Variants in CLASP1 observed in about 807,000 individuals in gnomAD.
CLASP1 encodes the protein cytoplasmic linker associated protein 1, also known as CLIP-associating protein 1.
Under a neutral mutation model 192.3 loss-of-function variants are expected in CLASP1, and 38 were observed. That is an observed-to-expected ratio of 0.20 (90% CI 0.15 to 0.26). The LOEUF (loss-of-function observed/expected upper bound fraction) is 0.26, where lower values mean the gene tolerates loss of function less well. CLASP1 is among the 10% of genes least tolerant of loss of function. CLASP1 has a pLI of 1.00. For missense variants in CLASP1, 1,433 were observed against 1,932.5 expected (o/e 0.74, Z 4.85); for synonymous variants, 691 against 712.8 (o/e 0.97, Z 0.49).
intron 32 of CLASP1, among the ~76,000 whole-genome samples, chr2:121,386,170 TA>T (rs750965525): frequency 7.1e-4 from 108 of 152,346 alleles, no homozygotes; most frequent in Middle Eastern, 3.4e-3. Context: ...TTTAAAAAAC[TA>T]AATGTAAAAG....
intron 37 of CLASP1, among the ~76,000 whole-genome samples, chr2:121,352,442 C>T (rs1213492388): frequency 6.6e-6 from 1 of 152,230 alleles, no homozygotes; most frequent in South Asian, 2.1e-4. Flanking sequence ...GCTCTTTCCA[C>T]ACAGGTCACC....
intron 39 of CLASP1, among the ~76,000 whole-genome samples, chr2:121,343,045 C>G (rs2062981202): frequency 6.6e-6 from 1 of 152,212 alleles, no homozygotes; most frequent in Admixed American, 6.5e-5. Flanking sequence ...CCACCCACTC[C>G]TGGACCAGTC....
chr2:121,579,182 T>G (rs2060868647), intron 2 of CLASP1, among the ~76,000 whole-genome samples: 1 of 152,160 alleles, frequency 6.6e-6, no homozygotes, highest in Non-Finnish European at 1.5e-5. Flanking sequence ...CCTGTGAAAA[T>G]TCAGCATTCT....
chr2:121,418,603 A>C lies in CLASP1; in HGVS notation c.2320+19T>G. Reference sequence around the variant, plus strand: ...GAAAGGAACTCTTTGCTCCTCAGCCAGCACCTACGTGTACTCACCAAGTGG... The same window carrying C: ...GAAAGGAACTCTTTGCTCCTCAGCCCGCACCTACGTGTACTCACCAAGTGG... On this transcript the variant is annotated intron_variant, in intron 23 of 39. Coordinates refer to ENST00000263710, the Ensembl canonical transcript of CLASP1. 8.3e-6 allele frequency: 13 copies of C among 1,571,014 alleles called. No individual in the cohort carries two copies. Among genetic ancestry groups the C allele is most frequent in the Middle Eastern group, 1.7e-4 (1 of 5,984 alleles).
chr2:121,586,387 A>T (rs1288165129), intron 2 of CLASP1, among the ~76,000 whole-genome samples: 1 of 152,168 alleles, frequency 6.6e-6, no homozygotes, highest in African/African-American at 2.4e-5. Context: ...TCAGCTTCCC[A>T]AAGTGCTGGG....
chr2:121,570,285 G>A (rs939617610), intron 2 of CLASP1, among the ~76,000 whole-genome samples: 1 of 152,210 alleles, frequency 6.6e-6, no homozygotes, highest in Non-Finnish European at 1.5e-5. Context: ...CTATCACTAG[G>A]GTGGGAGGAA....
intron 2 of CLASP1, among the ~76,000 whole-genome samples, chr2:121,537,572 G>A (rs185744455): frequency 1.2e-4 from 18 of 152,218 alleles, no homozygotes; most frequent in African/African-American, 4.1e-4. Context: ...TTTAAAAGAT[G>A]AAAATTAAGA....
intron 19 of CLASP1, among the ~76,000 whole-genome samples, chr2:121,437,707 T>C (rs976590657): frequency 6.6e-6 from 1 of 152,256 alleles, no homozygotes; most frequent in Admixed American, 6.5e-5. Context: ...GTTAACTTTT[T>C]GTTCACTAAT....
At chr2:121,454,596 T>A (rs1445783666) in intron 14 of CLASP1, among the ~76,000 whole-genome samples, 1 of 152,220 alleles carries the variant, frequency 6.6e-6, no homozygotes. Flanking sequence ...CGAATTTGTA[T>A]TGGGCATTCA....
At chr2:121,588,512 GATC>G (rs1330169874) in intron 2 of CLASP1, among the ~76,000 whole-genome samples, 1 of 152,088 alleles carries the variant, frequency 6.6e-6, no homozygotes, top group Non-Finnish European at 1.5e-5. Flanking sequence ...AAATAATGAA[GATC>G]ATCAGAAGAA....
chr2:121,457,467 A>G, intron 14 of CLASP1, among the ~76,000 whole-genome samples: 1 of 151,560 alleles, frequency 6.6e-6, no homozygotes, highest in South Asian at 2.1e-4. Flanking sequence ...ATACACACAC[A>G]CACACACACA....
rs74982512 is a variant in CLASP1 at position 121,531,145 on chromosome 2, C to A, written c.196-820G>T. 5.1e-3 allele frequency: 3,131 copies of A among 613,450 alleles called. 70 individuals carry two copies. Among genetic ancestry groups the A allele is most frequent in the African/African-American group, 0.05 (2,743 of 54,718 alleles). 38.0% of individuals were successfully genotyped at this position (613,450 alleles called of 1,614,324 possible). On this transcript the variant is annotated intron_variant, in intron 2 of 39. Coordinates refer to ENST00000263710, the Ensembl canonical transcript of CLASP1. ...GCAAGTAAAGTTCTTTCAGTTTTTG[C>A]GGTGATTAAACGGGAAGGATTTCAA...
At chr2:121,519,737 T>C (rs1218827964) in intron 6 of CLASP1, among the ~76,000 whole-genome samples, 2 of 152,180 alleles carry the variant, frequency 1.3e-5, no homozygotes, top group African/African-American at 2.4e-5. Flanking sequence ...ACCTAGAAAG[T>C]TACAGGGTCA....
chr2:121,399,257 C>T (rs1466463370), intron 28 of CLASP1, among the ~76,000 whole-genome samples: 1 of 152,156 alleles, frequency 6.6e-6, no homozygotes, highest in East Asian at 1.9e-4. Context: ...TGGCACATAT[C>T]AGGTACCAGT....
At chr2:121,546,043 G>T (rs903837173) in intron 2 of CLASP1, among the ~76,000 whole-genome samples, 4 of 152,150 alleles carry the variant, frequency 2.6e-5, no homozygotes, top group Admixed American at 6.6e-5. Context: ...AAACAGAAAT[G>T]ATCTTTCAAG....
At chr2:121,599,650 T>A (rs2063567151) in intron 2 of CLASP1, among the ~76,000 whole-genome samples, 1 of 138,258 alleles carries the variant, frequency 7.2e-6, no homozygotes, top group African/African-American at 2.8e-5. Context: ...GCATGGTGGC[T>A]CACGCCTGTA....
intron 37 of CLASP1, among the ~76,000 whole-genome samples, chr2:121,351,288 T>C (rs2064349529): frequency 6.6e-6 from 1 of 152,166 alleles, no homozygotes; most frequent in Non-Finnish European, 1.5e-5. Flanking sequence ...CCAGTGACAC[T>C]TTTCCCCCAA....
intron 8 of CLASP1, among the ~76,000 whole-genome samples, chr2:121,478,804 A>C (rs2092126169): frequency 3.6e-5 from 1 of 27,538 alleles, no homozygotes; most frequent in Non-Finnish European, 8.0e-5. Flanking sequence ...CACACACCAC[A>C]CACACACCCC....
intron 9 of CLASP1, among the ~76,000 whole-genome samples, chr2:121,465,228 T>C (rs888356316): frequency 3.9e-5 from 6 of 152,292 alleles, no homozygotes; most frequent in Admixed American, 2.0e-4. Flanking sequence ...GGAAGTCAAA[T>C]TGTCCCTGTT....
Sources: gnomAD v4.1 joint callset for allele counts (sites outside exome capture counted in the v4.1 genomes callset) on GRCh38, gnomAD v4.1.1 for gene constraint, MANE v1.5 for transcripts, NCBI Gene and HGNC (gene_info 2026-07-23, HGNC 2026-07-21) for gene names.